COL19A1: variants seen among roughly 807,000 people sequenced by gnomAD.
The protein encoded by COL19A1 is collagen type XIX alpha 1 chain, also known as collagen alpha-1(XIX) chain.
In COL19A1, 159 loss-of-function variants were observed where a neutral mutation model predicts 190.2. The observed-to-expected ratio is 0.84, with a 90% CI of 0.73 to 0.95. The LOEUF is 0.95. Among genes scored for constraint, COL19A1 ranks in the 40% least tolerant of loss-of-function variants. COL19A1 has a pLI of 0.00. For missense variants in COL19A1, 1,418 were observed against 1,431.9 expected (o/e 0.99, Z 0.16); for synonymous variants, 509 against 458.9 (o/e 1.11, Z -1.39).
intron 16 of COL19A1, among the ~76,000 whole-genome samples, chr6:70,118,529 T>C (rs553413904): frequency 1.3e-5 from 2 of 152,250 alleles, no homozygotes; most frequent in East Asian, 3.9e-4. Context: ...TAAATTTCTG[T>C]CACATTAAAC....
chr6:69,909,502 G>A (rs933072720), intron 4 of COL19A1, among the ~76,000 whole-genome samples: 3 of 152,056 alleles, frequency 2.0e-5, no homozygotes, highest in African/African-American at 7.2e-5. Context: ...TTTAAACTAG[G>A]CTTTGAAAAC....
rs370513772 is a variant in COL19A1, at chr6:70,120,186, GA to G, written c.1279-1693del. ...TTATTAATTTTTATGCTATATTTAAGAGTTCTAATAATTAAGACCCTCTCTT... is the reference window on the plus strand; with the variant it reads ...TTATTAATTTTTATGCTATATTTAAGGTTCTAATAATTAAGACCCTCTCTT... On this transcript the variant is annotated intron_variant, in intron 16 of 50. Coordinates refer to ENST00000620364, the MANE Select transcript of COL19A1 (RefSeq NM_001858.6). 3.5e-3 allele frequency among the ~76,000 whole-genome samples: 538 copies of G among 152,248 alleles called. 3 individuals are homozygous for G. The highest frequency in any genetic ancestry group is 0.012 in the African/African-American group (510 of 41,544).
In COL19A1 at chr6:69,928,032, G is replaced by C; in HGVS notation, c.390G>C (p.Gln130His). 1 of 1,612,502 alleles carries C rather than the reference G, an allele frequency of 6.2e-7. No individual in the cohort carries two copies. Among genetic ancestry groups the C allele is most frequent in the Non-Finnish European group, 8.5e-7 (1 of 1,179,068 alleles). The stretch of plus-strand genomic sequence containing the variant: ...TTTTAAACCAGCAGAATATTCCACA[G>C]GTAAAGTACCATTAGAGTTGTGCTC... ...WQVLNQQNIP[Q>H]ISIVVDGGKK... The change falls in exon 5 of 51, where the codon CAG (glutamine) becomes CAC (histidine). Residue 130 changes from glutamine (Q) to histidine (H), a missense_variant and splice_region_variant. Transcript: ENST00000620364.
In COL19A1 at chr6:70,192,204, G is replaced by A. The variant is rs1007601962; in HGVS notation, c.3094+1823G>A. On this transcript the variant is annotated intron_variant, in intron 48 of 50. Transcript: ENST00000620364. ...GCCTCCAGAGTAGCTGGGATTACAG[G>A]CACCCACCACCAAACCCAGCTAATT... Among the ~76,000 whole-genome samples the A allele has an allele frequency of 3.3e-5, 5 of 152,044 alleles. No individual in the cohort carries two copies. In the East Asian group the frequency reaches 7.7e-4, roughly 23 times the overall value.
At position 69,880,159 on chromosome 6, in the gene COL19A1, T is replaced by A. The variant is rs369493687; in HGVS notation, c.91+501T>A. ...GTTGACAGATCTTTAGAGCACCTTT[T>A]GAACTAAATAGACAATATTTGCAAT... On this transcript the variant is annotated intron_variant, in intron 2 of 50. Transcript: ENST00000620364. Among the ~76,000 whole-genome samples the A allele has an allele frequency of 5.4e-4, 82 of 152,346 alleles. 4 individuals are homozygous for A. The highest frequency in any genetic ancestry group is 1.9e-3 in the African/African-American group (78 of 41,590).
At chr6:70,100,536 T>A (rs1405255701) in intron 15 of COL19A1, among the ~76,000 whole-genome samples, 1 of 146,852 alleles carries the variant, frequency 6.8e-6, no homozygotes, top group Non-Finnish European at 1.5e-5. Flanking sequence ...TTTTTAATTT[T>A]TTTTTTTTTT....
chr6:69,879,440 A>G, intron 1 of COL19A1, 96 bp from the exon 2 acceptor site: 2 of 665,176 alleles, frequency 3.0e-6, no homozygotes, highest in Admixed American at 2.4e-5. Flanking sequence ...TATATGATGT[A>G]ACGTTGATTG....
chr6:70,163,253 C>A, intron 35 of COL19A1, 90 bp from the exon 36 acceptor site: 2 of 1,173,694 alleles, frequency 1.7e-6, no homozygotes, highest in Non-Finnish European at 2.5e-6. Context: ...AAATGACCTT[C>A]AAAATGTGTA....
intron 49 of COL19A1, 46 bp downstream of exon 49, chr6:70,199,782 G>A (rs764636097): frequency 8.4e-6 from 13 of 1,543,488 alleles, no homozygotes; most frequent in East Asian, 7.0e-5. Context: ...TTAACTCTCT[G>A]TATTTATAAC....
In COL19A1 at chr6:70,142,048, C is replaced by T. The variant is rs749988914; in HGVS notation, c.1544C>T (p.Pro515Leu). The T allele has an allele frequency of 7.4e-6, 12 of 1,612,186 alleles. No individual in the cohort carries two copies. The highest frequency in any genetic ancestry group is 1.7e-5 in the Admixed American group (1 of 59,804). ...VKGEPGDPGP[P>L]GLIGSPGLKG... ...GGTGAACCTGGAGATCCCGGACCCCCTGGTTTAATAGGAAGCCCAGGACTA... is the reference window on the plus strand; with the variant it reads ...GGTGAACCTGGAGATCCCGGACCCCTTGGTTTAATAGGAAGCCCAGGACTA... Residue 515 changes from proline (P) to leucine (L), a missense_variant, in exon 22 of 51, where the codon CCT becomes CTT. Physicochemically the swap from Pro to Leu is moderately conservative, Grantham distance 98. Coordinates refer to ENST00000620364, the MANE Select transcript of COL19A1 (RefSeq NM_001858.6).
intron 15 of COL19A1, among the ~76,000 whole-genome samples, chr6:70,071,109 T>C (rs1781520855): frequency 6.6e-6 from 1 of 152,144 alleles, no homozygotes; most frequent in South Asian, 2.1e-4. Flanking sequence ...AAATACGTAG[T>C]AGCTACTACT....
intron 42 of COL19A1, among the ~76,000 whole-genome samples, chr6:70,180,083 G>A (rs897334108): frequency 2.0e-5 from 3 of 151,898 alleles, no homozygotes; most frequent in African/African-American, 2.4e-5. Context: ...ACAGGGTTTC[G>A]CCACGTTGGC....
intron 4 of COL19A1, among the ~76,000 whole-genome samples, chr6:69,906,001 T>C (rs970552146): frequency 2.6e-5 from 4 of 152,222 alleles, no homozygotes; most frequent in Non-Finnish European, 4.4e-5. Flanking sequence ...TTGAGAGCTA[T>C]AGCAAAGAAG....
chr6:70,084,144 G>A (rs1265159915), intron 15 of COL19A1, among the ~76,000 whole-genome samples: 4 of 152,016 alleles, frequency 2.6e-5, no homozygotes, highest in Admixed American at 6.6e-5. Context: ...TTAACAAAAA[G>A]GACAGTTATT....
chr6:70,174,035 T>C (rs1374550714), intron 41 of COL19A1, among the ~76,000 whole-genome samples: 1 of 151,954 alleles, frequency 6.6e-6, no homozygotes, highest in African/African-American at 2.4e-5. Context: ...AAGCAGAGTA[T>C]GGGGACAGAG....
intron 2 of COL19A1, among the ~76,000 whole-genome samples, chr6:69,889,282 C>T (rs1283764326): frequency 6.6e-6 from 1 of 152,164 alleles, no homozygotes; most frequent in Non-Finnish European, 1.5e-5. Flanking sequence ...ATAATAATTT[C>T]ATGTATGATA....
intron 11 of COL19A1, among the ~76,000 whole-genome samples, chr6:69,996,276 G>A (rs1480728592): frequency 1.3e-5 from 2 of 152,132 alleles, no homozygotes; most frequent in Admixed American, 1.3e-4. Context: ...TATAGAGGCA[G>A]ACATGTGATT....
intron 36 of COL19A1, among the ~76,000 whole-genome samples, chr6:70,164,761 C>A (rs1437308056): frequency 6.6e-6 from 1 of 152,136 alleles, no homozygotes; most frequent in Admixed American, 6.5e-5. Context: ...TGACATAATT[C>A]TTTGAAGGAC....
chr6:69,919,265 A>G (rs998842029), intron 4 of COL19A1, among the ~76,000 whole-genome samples: 12 of 152,178 alleles, frequency 7.9e-5, no homozygotes, highest in African/African-American at 2.7e-4. Flanking sequence ...GTTTGTTAGT[A>G]ATGTGTGACC....
Sources: allele counts gnomAD v4.1 joint callset (sites outside exome capture counted in the v4.1 genomes callset), GRCh38; gene constraint gnomAD v4.1.1; transcripts MANE v1.5; gene names NCBI Gene and HGNC (gene_info 2026-07-23, HGNC 2026-07-21).